The following CHST7 variants were observed in gnomAD, a reference collection of about 807,000 sequenced individuals.
CHST7 encodes N-acetylglucosamine 6-O-sulfotransferase 4.
CHST7 carries 5 observed loss-of-function variants against 9.0 expected under a neutral mutation model. The ratio of observed to expected loss-of-function variants is 0.56; its 90% CI spans 0.29 to 1.17. The LOEUF is 1.17. Ranked by LOEUF, CHST7 falls within the 50% of genes most tolerant of loss-of-function variation. CHST7 has a pLI of 0.08. For synonymous variants in CHST7, 244 were observed against 237.1 expected (o/e 1.03, Z -0.27); for missense variants, 377 against 485.1 (o/e 0.78, Z 2.09).
chrX:46,576,293 G>C (rs1942499338), intron 1 of CHST7, among the ~76,000 whole-genome samples: 1 of 110,133 alleles, frequency 9.1e-6, no homozygotes, highest in African/African-American at 3.3e-5. Context: ...TGCCTGGTCA[G>C]CTTCCTCTAG....
chrX:46,588,263 C>G (rs1052300836), intron 1 of CHST7, among the ~76,000 whole-genome samples: 1 of 110,708 alleles, frequency 9.0e-6, no homozygotes, highest in African/African-American at 3.3e-5. Flanking sequence ...GGTCCCCGTG[C>G]AAGTTCCCAG....
At chrX:46,581,159 C>G (rs1905864996) in intron 1 of CHST7, among the ~76,000 whole-genome samples, 1 of 104,941 alleles carries the variant, frequency 9.5e-6, no homozygotes, top group Admixed American at 1.0e-4. Flanking sequence ...CACTTGAACC[C>G]TGGAGGCAAA....
intron 1 of CHST7, among the ~76,000 whole-genome samples, chrX:46,577,068 C>T (rs375676911): frequency 3.7e-5 from 4 of 106,841 alleles, no homozygotes; most frequent in African/African-American, 1.4e-4. Context: ...CTCCCCTGGG[C>T]GGAATGCTGT....
At chrX:46,587,297 C>T (rs1312963868) in intron 1 of CHST7, among the ~76,000 whole-genome samples, 1 of 110,891 alleles carries the variant, frequency 9.0e-6, no homozygotes. Context: ...GTCTCTTTAG[C>T]TCTCCACTGG....
intron 1 of CHST7, among the ~76,000 whole-genome samples, chrX:46,576,655 A>G (rs756997090): frequency 9.0e-5 from 10 of 111,581 alleles, no homozygotes; most frequent in South Asian, 7.5e-4. Context: ...CTGTGCAGTC[A>G]GTCCAGAGGA....
rs1289574667 is a variant in CHST7 at position 46,575,077 on chromosome X, A to C, written c.1146A>C (p.Pro382=). 1 of 1,124,979 alleles carries C rather than the reference A, an allele frequency of 8.9e-7. No homozygotes were observed. The highest frequency in any genetic ancestry group is 3.0e-5 in the Admixed American group (1 of 33,432). The allele number at this position is 1,124,979 out of a possible 1,213,427, so 92.7% of individuals were successfully genotyped here. ...GCTATGAGGACCTGGTGCGGCAGCC[A>C]CGCGCCCAGCTGCGCCGCCTGCTGC... The part of the protein sequence containing the change: ...RLRYEDLVRQ[P]RAQLRRLLRF... Residue 382 remains proline, a synonymous_variant, in exon 1 of 2, where the codon CCA becomes CCC. Coordinates refer to ENST00000276055, the MANE Select transcript of CHST7 (RefSeq NM_019886.4).
chrX:46,595,150 G>C, intron 1 of CHST7, among the ~76,000 whole-genome samples: 1 of 112,442 alleles, frequency 8.9e-6, no homozygotes, highest in Non-Finnish European at 1.9e-5. Flanking sequence ...TTTGCTTCAA[G>C]TGTGTTTGTA....
At chrX:46,590,260 T>A (rs1199972881) in intron 1 of CHST7, among the ~76,000 whole-genome samples, 1 of 111,025 alleles carries the variant, frequency 9.0e-6, no homozygotes, top group African/African-American at 3.3e-5. Flanking sequence ...ACAGATTTTT[T>A]TTTTTTTTAC....
At chrX:46,596,446 T>TG (rs1215453876) in intron 1 of CHST7, among the ~76,000 whole-genome samples, 1 of 109,766 alleles carries the variant, frequency 9.1e-6, no homozygotes, top group African/African-American at 3.3e-5. Context: ...GGTCTGGGGG[T>TG]GGGGGGTAAT....
Position 46,574,920 on chromosome X carries a change from C to T in CHST7, c.989C>T (p.Ala330Val). The stretch of plus-strand genomic sequence containing the variant: ...GCTCGCCCCGGGGGCCAGTCTCGCG[C>T]GCTGCCCGCCGCGCCGCGCGCCGAT... ...VGARPGGQSRALPAAPRADFF... is the reference protein window; with the variant it reads ...VGARPGGQSRVLPAAPRADFF... The change falls in exon 1 of 2, where the codon GCG (alanine) becomes GTG (valine). Residue 330 changes from alanine (A) to valine (V), a missense_variant. By Grantham distance (64) the Ala-to-Val change is moderately conservative (BLOSUM62 0). This residue lies in a region of CHST7 where 239 missense variants were observed against 325.7 expected (regional missense o/e 0.73). Transcript: ENST00000276055. 5 of 1,143,108 alleles carry T rather than the reference C, an allele frequency of 4.4e-6. No individual in the cohort carries two copies. Among genetic ancestry groups the T allele is most frequent in the Non-Finnish European group, 5.8e-6 (5 of 868,879 alleles). The allele number at this position is 1,143,108 out of a possible 1,213,427, so 94.2% of individuals were successfully genotyped here. A position where few individuals can be genotyped will look rare whatever the true frequency, so the allele number is the denominator to read the frequency against.
At position 46,574,666 on chromosome X, in the gene CHST7, G is replaced by C; in HGVS notation, c.735G>C (p.Pro245=). The part of the protein sequence containing the change: ...RALEAECRKY[P]VVVIKDVRLL... ...TGGAGGCCGAGTGCCGAAAGTACCC[G>C]GTGGTGGTCATCAAGGACGTGCGCC... Residue 245 remains proline, a synonymous_variant, in exon 1 of 2, where the codon CCG becomes CCC. Coordinates refer to ENST00000276055, the MANE Select transcript of CHST7 (RefSeq NM_019886.4). 1 of 1,209,514 alleles carries C rather than the reference G, an allele frequency of 8.3e-7. No homozygotes were observed. The highest frequency in any genetic ancestry group is 1.1e-6 in the Non-Finnish European group (1 of 894,374).
intron 1 of CHST7, among the ~76,000 whole-genome samples, chrX:46,578,617 G>T (rs1163249092): frequency 9.1e-6 from 1 of 109,730 alleles, no homozygotes; most frequent in African/African-American, 3.3e-5. Flanking sequence ...GGGAGTGGGG[G>T]CTCTCACTGT....
intron 1 of CHST7, among the ~76,000 whole-genome samples, chrX:46,582,948 G>GTTTTTTTTTTTTTTT (rs34049715): frequency 3.2e-5 from 3 of 94,293 alleles, no homozygotes; most frequent in Non-Finnish European, 2.1e-5. Context: ...TTTCTAAGAG[G>GTTTTTTTTTTTTTTT]TTTTTTTTTT....
chrX:46,594,945 A>G (rs1700149555), intron 1 of CHST7, among the ~76,000 whole-genome samples: 1 of 109,390 alleles, frequency 9.1e-6, no homozygotes, highest in Non-Finnish European at 1.9e-5. Flanking sequence ...TTTTAACTCT[A>G]TTTTCTGTTG....
At position 46,575,039 on chromosome X, in the gene CHST7, T is replaced by C. The variant is rs777380912; in HGVS notation, c.1108T>C (p.Tyr370His). The change falls in exon 1 of 2, where the codon TAC becomes CAC. Residue 370 changes from tyrosine to histidine, a missense_variant. Around this residue, in one of 3 missense-constraint regions of CHST7, gnomAD observed 130 missense variants for 134.9 expected, o/e 0.96. Coordinates refer to ENST00000276055, the MANE Select transcript of CHST7 (RefSeq NM_019886.4). Reference protein sequence around the residue: ...RGAPAWLRRRYLRLRYEDLVR... With the variant: ...RGAPAWLRRRHLRLRYEDLVR... The stretch of plus-strand genomic sequence containing the variant: ...CGCGCCCGCCTGGCTGCGGCGCCGC[T>C]ACCTGAGGCTGCGCTATGAGGACCT... 1 of 1,127,644 alleles carries C rather than the reference T, an allele frequency of 8.9e-7. No homozygotes were observed. The allele number at this position is 1,127,644 out of a possible 1,213,427, so 92.9% of individuals were successfully genotyped here.
intron 1 of CHST7, among the ~76,000 whole-genome samples, chrX:46,578,855 G>T (rs1230455435): frequency 8.9e-6 from 1 of 111,736 alleles, no homozygotes; most frequent in East Asian, 2.8e-4. Context: ...GGAGCATTGT[G>T]ATTGGCTTAG....
At chrX:46,589,565 A>G (rs889239147) in intron 1 of CHST7, among the ~76,000 whole-genome samples, 5 of 110,519 alleles carry the variant, frequency 4.5e-5, no homozygotes, top group African/African-American at 1.6e-4. Flanking sequence ...AAAAAAAAAG[A>G]GTGAATTAAA....
At chrX:46,584,501 C>G (rs925025026) in intron 1 of CHST7, among the ~76,000 whole-genome samples, 1 of 98,907 alleles carries the variant, frequency 1.0e-5, no homozygotes, top group African/African-American at 3.9e-5. Context: ...CGCACCATTG[C>G]ACTCCAGTCT....
intron 1 of CHST7, among the ~76,000 whole-genome samples, chrX:46,585,786 C>T (rs1942546642): frequency 8.9e-6 from 1 of 112,273 alleles, no homozygotes; most frequent in South Asian, 3.7e-4. Flanking sequence ...TGCTCTGTTG[C>T]CCAGGCTGGA....
Sources: allele counts gnomAD v4.1 joint callset (sites outside exome capture counted in the v4.1 genomes callset), GRCh38; gene constraint gnomAD v4.1.1; regional missense constraint gnomAD v4.1.1; transcripts MANE v1.5; gene names NCBI Gene and HGNC (gene_info 2026-07-23, HGNC 2026-07-21).